RELCH: variants seen among roughly 807,000 people sequenced by gnomAD.
The protein encoded by RELCH is RAB11 binding and LisH domain, coiled-coil and HEAT repeat containing.
RELCH carries 41 observed loss-of-function variants against 150.3 expected under a neutral mutation model. That is an observed-to-expected ratio of 0.27 (90% CI 0.21 to 0.35). The LOEUF (loss-of-function observed/expected upper bound fraction) is 0.35. Among genes scored for constraint, RELCH ranks in the 10% least tolerant of loss-of-function variants. The probability of loss-of-function intolerance (pLI) is 1.00; values close to 1 mark genes in which losing one functional copy is unlikely to be tolerated. For missense variants in RELCH, 1,092 were observed against 1,467.8 expected (o/e 0.74, Z 4.18); for synonymous variants, 478 against 531.8 (o/e 0.90, Z 1.39).
intron 1 of RELCH, among the ~76,000 whole-genome samples, chr18:62,206,326 G>A (rs897001107): frequency 6.6e-5 from 10 of 152,322 alleles, no homozygotes; most frequent in African/African-American, 2.4e-4. Context: ...GAAATTAAAT[G>A]TTTCTCCAGA....
chr18:62,225,315 CA>C (rs1339756245), intron 5 of RELCH, among the ~76,000 whole-genome samples: 1 of 151,700 alleles, frequency 6.6e-6, no homozygotes, highest in East Asian at 1.9e-4. Context: ...AGATATGACA[CA>C]AAAAGCATGA....
intron 28 of RELCH, among the ~76,000 whole-genome samples, chr18:62,301,419 G>C (rs1200765841): frequency 5.3e-5 from 8 of 152,208 alleles, no homozygotes; most frequent in African/African-American, 1.9e-4. Context: ...TACTGAGCTA[G>C]ACTCTGCTAT....
At chr18:62,277,557 A>C (rs189653270) in intron 22 of RELCH, 1 of 742,832 alleles carries the variant, frequency 1.3e-6, no homozygotes. Context: ...ATAAAAACAT[A>C]AAAAAAACAC....
rs1291412256 is a variant in RELCH at position 62,255,466 on chromosome 18, A to G, written c.1884A>G (p.Ala628=). The change falls in exon 13 of 29, where the codon GCA becomes GCG. Residue 628 remains alanine, a synonymous_variant. Coordinates refer to ENST00000644646, the MANE Select transcript of RELCH (RefSeq NM_001346231.2). ...LLVAESCGAL[A]PYLPKEIRSS... is the part of the protein sequence containing the mutation. ...TGGCAGAATCCTGTGGAGCACTGGC[A>G]CCTTACCTTCCTGTAAGATTGTCTT... The G allele has an allele frequency of 1.3e-6, 2 of 1,594,264 alleles. No homozygotes were observed. Among genetic ancestry groups the G allele is most frequent in the Non-Finnish European group, 1.7e-6 (2 of 1,173,670 alleles).
rs764146210 is a variant in RELCH, at chr18:62,264,060, G to A, written c.2422G>A (p.Ala808Thr). Reference protein sequence around the residue: ...STIIGSREQLAVLLQLYDYQL... With the variant: ...STIIGSREQLTVLLQLYDYQL... Reference sequence around the variant, plus strand: ...TATTATCGGAAGTCGTGAGCAATTGGCAGTGCTGCTGCAACTTTATGACTA... The same window carrying A: ...TATTATCGGAAGTCGTGAGCAATTGACAGTGCTGCTGCAACTTTATGACTA... The change falls in exon 17 of 29, where the codon GCA (alanine) becomes ACA (threonine). Residue 808 changes from alanine (A) to threonine (T), a missense_variant. Coordinates refer to ENST00000644646, the MANE Select transcript of RELCH (RefSeq NM_001346231.2). 5.6e-6 allele frequency: 9 copies of A among 1,607,710 alleles called. No individual in the cohort carries two copies. Among genetic ancestry groups the A allele is most frequent in the Non-Finnish European group, 7.6e-6 (9 of 1,177,426 alleles).
chr18:62,196,200 G>A (rs2039030217), intron 1 of RELCH, among the ~76,000 whole-genome samples: 1 of 151,994 alleles, frequency 6.6e-6, no homozygotes. Flanking sequence ...TGCTTTCTGA[G>A]AGAGAAAATA....
At chr18:62,237,325 T>C (rs891402954) in intron 10 of RELCH, among the ~76,000 whole-genome samples, 9 of 151,856 alleles carry the variant, frequency 5.9e-5, no homozygotes, top group Non-Finnish European at 7.4e-5. Flanking sequence ...GTTTGGGTTC[T>C]CTATTTCCTT....
chr18:62,260,598 A>G (rs1448981372), intron 15 of RELCH, among the ~76,000 whole-genome samples: 1 of 151,960 alleles, frequency 6.6e-6, no homozygotes, highest in Non-Finnish European at 1.5e-5. Flanking sequence ...AAGGACTTAC[A>G]TGTTGAGTTT....
At chr18:62,300,546 C>T (rs2045618265) in intron 28 of RELCH, 1 of 152,210 alleles carries the variant, frequency 6.6e-6, no homozygotes, top group Admixed American at 6.5e-5. Flanking sequence ...CTGTGAAGAG[C>T]TCTGCCTTTT....
At position 62,187,472 on chromosome 18, in the gene RELCH, G is replaced by C. The variant is rs763575664; in HGVS notation, c.-34G>C. 6.7e-7 allele frequency: 1 copy of C among 1,497,788 alleles called. No homozygotes were observed. Among genetic ancestry groups the C allele is most frequent in the Non-Finnish European group, 8.9e-7 (1 of 1,124,172 alleles). 92.8% of individuals were successfully genotyped at this position (1,497,788 alleles called of 1,614,324 possible). A position where few individuals can be genotyped will look rare whatever the true frequency, so the allele number is the denominator to read the frequency against. On this transcript the variant is annotated 5_prime_UTR_variant, in exon 1 of 29. Transcript: ENST00000644646. ...TTCGGGCTGCGGCCCGTCGGAACCA[G>C]TCAGGGAGGCGCCCACACTCCTGAC...
intron 22 of RELCH, among the ~76,000 whole-genome samples, chr18:62,279,281 T>A (rs2044376770): frequency 6.6e-6 from 1 of 152,186 alleles, no homozygotes; most frequent in Non-Finnish European, 1.5e-5. Context: ...GGAATTGTCC[T>A]ATATGGTTTT....
intron 17 of RELCH, 124 bp from the exon 18 acceptor site, chr18:62,264,605 C>T: frequency 4.2e-6 from 3 of 707,360 alleles, no homozygotes; most frequent in East Asian, 5.3e-5. Flanking sequence ...GGGTCCCAGA[C>T]AATGCCTTTC....
rs867956993 is a variant in RELCH, at chr18:62,275,983, A to G, written c.2967+510A>G. On this transcript the variant is annotated intron_variant, in intron 22 of 28. Transcript: ENST00000644646. Reference sequence around the variant, plus strand: ...TACATTAACTGCCCATAGAGTTGCAAAAGAGAGGAGACCAGGTAATTTACC... The same window carrying G: ...TACATTAACTGCCCATAGAGTTGCAGAAGAGAGGAGACCAGGTAATTTACC... Among the ~76,000 whole-genome samples, 8 of 152,310 alleles carry G rather than the reference A, an allele frequency of 5.3e-5. No individual in the cohort carries two copies. The South Asian group carries it at 1.7e-3, about 32-fold the overall frequency.
intron 2 of RELCH, among the ~76,000 whole-genome samples, chr18:62,219,040 C>T (rs903827452): frequency 2.4e-4 from 37 of 151,862 alleles, no homozygotes; most frequent in East Asian, 1.9e-4. Flanking sequence ...TTCAAACATA[C>T]GCCTTTGTCT....
intron 27 of RELCH, among the ~76,000 whole-genome samples, chr18:62,297,093 T>C (rs1272156742): frequency 1.3e-5 from 2 of 152,144 alleles, no homozygotes; most frequent in Non-Finnish European, 2.9e-5. Flanking sequence ...ATTCCCAGAT[T>C]CCCTTTGCAA....
At chr18:62,284,638 G>A (rs900585772) in intron 25 of RELCH, among the ~76,000 whole-genome samples, 1 of 152,126 alleles carries the variant, frequency 6.6e-6, no homozygotes. Context: ...GAATGCGATA[G>A]TGTTATTCCT....
intron 1 of RELCH, among the ~76,000 whole-genome samples, chr18:62,208,812 T>G (rs963530869): frequency 6.6e-6 from 1 of 152,148 alleles, no homozygotes; most frequent in Non-Finnish European, 1.5e-5. Context: ...CTCCAGCTGT[T>G]CCCACAAAAG....
In RELCH at chr18:62,261,678, G is replaced by A; in HGVS notation, c.2350+20G>A. 1.3e-6 allele frequency: 2 copies of A among 1,588,670 alleles called. No individual in the cohort carries two copies. The highest frequency in any genetic ancestry group is 2.3e-5 in the South Asian group (2 of 87,102). On this transcript the variant is annotated intron_variant, in intron 16 of 28. Transcript: ENST00000644646. ...TAGAAGGTACTGAACTTAAATTCTGGAAGAAAAATGTAGAATATTAGCAGC... is the reference window on the plus strand; with the variant it reads ...TAGAAGGTACTGAACTTAAATTCTGAAAGAAAAATGTAGAATATTAGCAGC...
At chr18:62,304,166 T>C (rs1209617482) in intron 28 of RELCH, among the ~76,000 whole-genome samples, 1 of 152,220 alleles carries the variant, frequency 6.6e-6, no homozygotes, top group African/African-American at 2.4e-5. Context: ...TAGCAAATAA[T>C]AGTAATGTGG....
Sources: gnomAD v4.1 joint callset for allele counts (sites outside exome capture counted in the v4.1 genomes callset) on GRCh38, gnomAD v4.1.1 for gene constraint, MANE v1.5 for transcripts, NCBI Gene and HGNC (gene_info 2026-07-23, HGNC 2026-07-21) for gene names.